The following ZNF827 variants were observed in gnomAD, a reference collection of about 807,000 sequenced individuals.
The protein encoded by ZNF827 is zinc finger protein 827.
A neutral mutation model predicts 102.4 loss-of-function variants in ZNF827; 13 were observed. The ratio of observed to expected loss-of-function variants is 0.13; its 90% CI spans 0.08 to 0.20. ZNF827 has a LOEUF of 0.20. ZNF827 is among the 10% of genes least tolerant of loss of function. The pLI is 1.00. For missense variants in ZNF827, 1,103 were observed against 1,344.4 expected (o/e 0.82, Z 2.81); for synonymous variants, 523 against 536.2 (o/e 0.98, Z 0.34).
intron 11 of ZNF827, among the ~76,000 whole-genome samples, chr4:145,767,831 A>G (rs1579091582): frequency 6.6e-6 from 1 of 152,228 alleles, no homozygotes; most frequent in Non-Finnish European, 1.5e-5. Context: ...ATTCATCACC[A>G]GCAGACCTGA....
chr4:145,825,150 G>A (rs961035944), intron 7 of ZNF827, among the ~76,000 whole-genome samples: 2 of 152,220 alleles, frequency 1.3e-5, no homozygotes, highest in South Asian at 2.1e-4. Flanking sequence ...GTGTGACCAC[G>A]GGGCCTGGCC....
chr4:145,886,121 C>T lies in ZNF827; in HGVS notation c.1304G>A (p.Cys435Tyr). The T allele has an allele frequency of 6.2e-7, 1 of 1,610,834 alleles. No homozygotes were observed. The highest frequency in any genetic ancestry group is 8.5e-7 in the Non-Finnish European group (1 of 1,178,438). Residue 435 changes from cysteine (C) to tyrosine (Y), a missense_variant, in exon 4 of 15, where the codon TGC becomes TAC. By Grantham distance (194) the Cys-to-Tyr change is radical. This residue lies in a region of ZNF827 where 157 missense variants were observed against 211.7 expected (regional missense o/e 0.74). Transcript: ENST00000508784. ...QHQDRGETFQ[C>Y]QLCPFTSSRH... ...TGAGGAAGTAAAAGGGCACAGCTGG[C>T]ACTGAAAGGTCTCTCCCCGATCCTG... is the stretch of plus-strand genomic sequence containing the variant.
At chr4:145,910,565 ACC>A (rs1465934191) in intron 1 of ZNF827, among the ~76,000 whole-genome samples, 5 of 152,142 alleles carry the variant, frequency 3.3e-5, no homozygotes, top group Non-Finnish European at 7.4e-5. Flanking sequence ...CTAACCTGGT[ACC>A]CAGTGCTGTC....
intron 8 of ZNF827, among the ~76,000 whole-genome samples, chr4:145,799,313 G>A (rs957894711): frequency 7.2e-5 from 11 of 152,306 alleles, no homozygotes; most frequent in African/African-American, 2.4e-4. Context: ...AGCTCACTAT[G>A]TGCTAGGGAC....
chr4:145,769,224 T>C (rs1735876168), intron 11 of ZNF827, among the ~76,000 whole-genome samples: 1 of 151,536 alleles, frequency 6.6e-6, no homozygotes, highest in South Asian at 2.1e-4. Context: ...TGAGGAGCAA[T>C]GGTATATGAC....
At chr4:145,888,667 A>C (rs200946876) in intron 3 of ZNF827, among the ~76,000 whole-genome samples, 1 of 152,262 alleles carries the variant, frequency 6.6e-6, no homozygotes, top group Admixed American at 6.5e-5. Context: ...ACTAGAACTC[A>C]GTACCCTGAC....
chr4:145,814,585 G>A (rs993372043), intron 8 of ZNF827, among the ~76,000 whole-genome samples: 1 of 146,638 alleles, frequency 6.8e-6, no homozygotes, highest in East Asian at 2.0e-4. Context: ...CTTGCTACCA[G>A]TGTTTCCTGG....
intron 1 of ZNF827, among the ~76,000 whole-genome samples, chr4:145,917,539 A>G (rs1038355525): frequency 5.9e-5 from 9 of 151,986 alleles, no homozygotes; most frequent in African/African-American, 1.7e-4. Flanking sequence ...TAAAGGCCCC[A>G]TCTCTCAACA....
chr4:145,776,035 T>TA, intron 9 of ZNF827, 75 bp from the exon 10 acceptor site: 2 of 1,543,582 alleles, frequency 1.3e-6, no homozygotes, highest in Non-Finnish European at 1.8e-6. Flanking sequence ...AAGAATCAGT[T>TA]AAAGGTATCA....
chr4:145,785,944 C>T (rs1165018149), intron 8 of ZNF827, among the ~76,000 whole-genome samples: 1 of 152,132 alleles, frequency 6.6e-6, no homozygotes. Flanking sequence ...TAGAATATTT[C>T]CAGGCACAGA....
In ZNF827 at chr4:145,845,938, C is replaced by T. The variant is rs1335125452; in HGVS notation, c.2279+18G>A. On this transcript the variant is annotated intron_variant, in intron 7 of 14. Transcript: ENST00000508784. ...CCCACACGGGGTGTTCTGGAGGAAC[C>T]CACACAAAGTCGCCTACCTGGTCGT... 1 of 1,613,938 alleles carries T rather than the reference C, an allele frequency of 6.2e-7. No homozygotes were observed. Among genetic ancestry groups the T allele is most frequent in the Non-Finnish European group, 8.5e-7 (1 of 1,179,980 alleles).
chr4:145,920,579 T>C (rs1475725471), intron 1 of ZNF827, among the ~76,000 whole-genome samples: 1 of 152,244 alleles, frequency 6.6e-6, no homozygotes, highest in Non-Finnish European at 1.5e-5. Flanking sequence ...CATCGCCTCC[T>C]ATACCCAGCC....
At chr4:145,855,641 C>T (rs552729065) in intron 5 of ZNF827, among the ~76,000 whole-genome samples, 2 of 152,206 alleles carry the variant, frequency 1.3e-5, no homozygotes, top group Admixed American at 6.5e-5. Flanking sequence ...GCTGGGTTTT[C>T]TTGGTTGCTC....
chr4:145,823,669 G>C (rs1743382550), intron 7 of ZNF827, 144 bp from the exon 8 acceptor site: 1 of 614,444 alleles, frequency 1.6e-6, no homozygotes, highest in African/African-American at 1.8e-5. Flanking sequence ...AGAAGATTGT[G>C]CTTAAAATGG....
intron 8 of ZNF827, among the ~76,000 whole-genome samples, chr4:145,816,295 G>A (rs1410546469): frequency 6.6e-6 from 1 of 152,198 alleles, no homozygotes; most frequent in Non-Finnish European, 1.5e-5. Flanking sequence ...AACCATATGG[G>A]CAGAGATAAA....
At chr4:145,907,168 T>TG in intron 1 of ZNF827, 1 of 456,544 alleles carries the variant, frequency 2.2e-6, no homozygotes, top group South Asian at 1.6e-5. Context: ...AATATGTCTG[T>TG]GTTCACAAAA....
intron 1 of ZNF827, among the ~76,000 whole-genome samples, chr4:145,934,059 G>C (rs2127004311): frequency 6.6e-6 from 1 of 152,178 alleles, no homozygotes; most frequent in East Asian, 1.9e-4. Context: ...ATTGGACCTT[G>C]TTAATGGAAA....
intron 1 of ZNF827, among the ~76,000 whole-genome samples, chr4:145,929,348 A>G (rs1196357884): frequency 6.6e-6 from 1 of 152,234 alleles, no homozygotes; most frequent in Admixed American, 6.5e-5. Context: ...GTTGAACAGA[A>G]GAATAAATAA....
At chr4:145,826,601 T>C (rs1390575798) in intron 7 of ZNF827, among the ~76,000 whole-genome samples, 1 of 152,270 alleles carries the variant, frequency 6.6e-6, no homozygotes, top group Non-Finnish European at 1.5e-5. Flanking sequence ...AATATTGTTA[T>C]AATTGTCCTA....
Sources: allele counts gnomAD v4.1 joint callset (sites outside exome capture counted in the v4.1 genomes callset), GRCh38; gene constraint gnomAD v4.1.1; regional missense constraint gnomAD v4.1.1; transcripts MANE v1.5; gene names NCBI Gene and HGNC (gene_info 2026-07-23, HGNC 2026-07-21).